The following OLFM2 variants were observed in gnomAD, a reference collection of about 807,000 sequenced individuals.
OLFM2 encodes the protein noelin-2.
OLFM2 carries 20 observed loss-of-function variants against 43.9 expected under a neutral mutation model. That is an observed-to-expected ratio of 0.46 (90% CI 0.32 to 0.66). OLFM2 has a LOEUF of 0.66. Among genes scored for constraint, OLFM2 ranks in the 30% least tolerant of loss-of-function variants. The pLI is 0.04. For missense variants in OLFM2, 416 were observed against 643.6 expected (o/e 0.65, Z 3.83); for synonymous variants, 268 against 278.6 (o/e 0.96, Z 0.38).
At chr19:9,887,876 T>C (rs549683051) in intron 1 of OLFM2, among the ~76,000 whole-genome samples, 1 of 152,006 alleles carries the variant, frequency 6.6e-6, no homozygotes, top group South Asian at 2.1e-4. Flanking sequence ...CTACAAAAAA[T>C]TAAAAAATAA....
chr19:9,883,920 T>C (rs1030447416), intron 1 of OLFM2, among the ~76,000 whole-genome samples: 7 of 152,006 alleles, frequency 4.6e-5, no homozygotes, highest in African/African-American at 1.7e-4. Context: ...AGCATCCCCC[T>C]CTTAGGGCAG....
intron 1 of OLFM2, among the ~76,000 whole-genome samples, chr19:9,935,865 G>T (rs531179906): frequency 6.6e-6 from 1 of 151,992 alleles, no homozygotes; most frequent in Non-Finnish European, 1.5e-5. Context: ...TCACTCTCAC[G>T]TGAGTCCCGT....
rs1018559322 is a variant in OLFM2 at position 9,859,912 on chromosome 19, C to T, written c.213+733G>A. Reference sequence around the variant, plus strand: ...ATCCCCGCACTTTGGGAGGCCAAGACAGGCAAATCACCTGCAGTCAGGAGT... The same window carrying T: ...ATCCCCGCACTTTGGGAGGCCAAGATAGGCAAATCACCTGCAGTCAGGAGT... On this transcript the variant is annotated intron_variant, in intron 2 of 5. Coordinates refer to ENST00000264833, the MANE Select transcript of OLFM2 (RefSeq NM_058164.4). 1.3e-5 allele frequency among the ~76,000 whole-genome samples: 2 copies of T among 152,158 alleles called. 1 individual carries two copies. The highest frequency in any genetic ancestry group is 2.9e-5 in the Non-Finnish European group (2 of 68,028).
intron 1 of OLFM2, chr19:9,913,610 A>C: frequency 7.7e-7 from 1 of 1,301,772 alleles, no homozygotes. Flanking sequence ...GAGCAGCGGC[A>C]CCGACATCGC....
At chr19:9,922,747 G>A (rs1026213369) in intron 1 of OLFM2, among the ~76,000 whole-genome samples, 10 of 151,294 alleles carry the variant, frequency 6.6e-5, no homozygotes, top group South Asian at 2.1e-4. Context: ...GCAAAACCCC[G>A]TCTCTACAAA....
intron 1 of OLFM2, among the ~76,000 whole-genome samples, chr19:9,925,215 C>G (rs1300674335): frequency 3.3e-5 from 5 of 152,048 alleles, no homozygotes; most frequent in Non-Finnish European, 5.9e-5. Context: ...CTAGATCACA[C>G]CACCGCACTC....
At chr19:9,929,569 C>T (rs2086471060) in intron 1 of OLFM2, among the ~76,000 whole-genome samples, 1 of 151,390 alleles carries the variant, frequency 6.6e-6, no homozygotes, top group African/African-American at 2.4e-5. Flanking sequence ...TCACGCCAGC[C>T]TGGGCGACAG....
At chr19:9,871,573 C>CAA (rs34941045) in intron 1 of OLFM2, among the ~76,000 whole-genome samples, 10 of 121,490 alleles carry the variant, frequency 8.2e-5, no homozygotes, top group Admixed American at 8.0e-4. Context: ...ACTCTGCTCT[C>CAA]AAAAAAAAAA....
intron 1 of OLFM2, among the ~76,000 whole-genome samples, chr19:9,866,575 C>G (rs2046403533): frequency 6.7e-6 from 1 of 149,362 alleles, no homozygotes. Flanking sequence ...TCTAGGCTCA[C>G]TGCAGCCTCA....
chr19:9,868,377 A>G (rs908771831), intron 1 of OLFM2, among the ~76,000 whole-genome samples: 3 of 151,818 alleles, frequency 2.0e-5, no homozygotes, highest in East Asian at 3.9e-4. Flanking sequence ...TAATTTTTAA[A>G]AAGATTTTTT....
chr19:9,860,536 A>G, intron 2 of OLFM2, 109 bp downstream of exon 2: 2 of 1,256,852 alleles, frequency 1.6e-6, no homozygotes, highest in East Asian at 2.5e-5. Context: ...AGCTCTGAAT[A>G]ATTTGCATAG....
intron 1 of OLFM2, among the ~76,000 whole-genome samples, chr19:9,925,401 A>G (rs2086446770): frequency 6.6e-6 from 1 of 152,198 alleles, no homozygotes; most frequent in Non-Finnish European, 1.5e-5. Context: ...CAGTCGCCGT[A>G]GAAAACATTA....
Position 9,862,254 on chromosome 19 carries a change from C to T in OLFM2, c.64-1460G>A, listed in dbSNP as rs113496542. Among the ~76,000 whole-genome samples the T allele has an allele frequency of 7.8e-3, 1,193 of 152,192 alleles. 19 individuals are homozygous for T. Among genetic ancestry groups the T allele is most frequent in the African/African-American group, 0.027 (1,110 of 41,534 alleles). On this transcript the variant is annotated intron_variant, in intron 1 of 5. Coordinates refer to ENST00000264833, the MANE Select transcript of OLFM2 (RefSeq NM_058164.4). ...TGCAGGGAGTAACAGGGGGTCTTCC[C>T]TCAGGCTGAGGGTCTCTGAGGAGGT...
chr19:9,901,806 A>G (rs144342858), intron 1 of OLFM2, among the ~76,000 whole-genome samples: 166 of 152,336 alleles, frequency 1.1e-3, no homozygotes, highest in Non-Finnish European at 6.3e-4. Flanking sequence ...CATGTGGAGT[A>G]TCTGGACATG....
At chr19:9,864,597 G>A (rs2046386186) in intron 1 of OLFM2, among the ~76,000 whole-genome samples, 2 of 151,852 alleles carry the variant, frequency 1.3e-5, no homozygotes, top group African/African-American at 4.8e-5. Flanking sequence ...CATTGCGCCT[G>A]GCACATTTAT....
chr19:9,936,298 C>A lies in OLFM2; in HGVS notation c.63+6G>T. ...CCGCGCCCGCACCTGCCCGCCGGGC[C>A]CCTACCTGTCCGGCCAGGCCTGAGC... is the stretch of plus-strand genomic sequence containing the variant. On this transcript the variant is annotated splice_donor_region_variant and intron_variant, in intron 1 of 5. Transcript: ENST00000264833. 6.5e-7 allele frequency: 1 copy of A among 1,528,476 alleles called. No individual in the cohort carries two copies. Among genetic ancestry groups the A allele is most frequent in the Non-Finnish European group, 8.7e-7 (1 of 1,144,116 alleles). 94.7% of individuals were successfully genotyped at this position (1,528,476 alleles called of 1,614,324 possible).
At chr19:9,898,748 AT>A (rs983734630) in intron 1 of OLFM2, among the ~76,000 whole-genome samples, 13 of 152,024 alleles carry the variant, frequency 8.6e-5, no homozygotes, top group African/African-American at 3.1e-4. Flanking sequence ...TCTTCCCCCA[AT>A]TCATCACATC....
intron 1 of OLFM2, among the ~76,000 whole-genome samples, chr19:9,888,103 C>T (rs934146374): frequency 6.6e-6 from 1 of 152,136 alleles, no homozygotes; most frequent in Non-Finnish European, 1.5e-5. Flanking sequence ...CTGTTCCAGC[C>T]ACACTGTTCC....
At chr19:9,922,504 T>C (rs1431918153) in intron 1 of OLFM2, among the ~76,000 whole-genome samples, 1 of 152,172 alleles carries the variant, frequency 6.6e-6, no homozygotes, top group African/African-American at 2.4e-5. Context: ...GAGGATCACT[T>C]GAGCCCAGGA....
Sources: allele counts gnomAD v4.1 joint callset (sites outside exome capture counted in the v4.1 genomes callset), GRCh38; gene constraint gnomAD v4.1.1; transcripts MANE v1.5; gene names NCBI Gene and HGNC (gene_info 2026-07-23, HGNC 2026-07-21).